The following EBF1 variants were observed in gnomAD, a reference collection of about 807,000 sequenced individuals.
The protein encoded by EBF1 is transcription factor COE1.
EBF1 carries 10 observed loss-of-function variants against 68.4 expected under a neutral mutation model. That is an observed-to-expected ratio of 0.15 (90% CI 0.09 to 0.25). The LOEUF is 0.25. Ranked by LOEUF, EBF1 falls within the 10% of genes least tolerant of loss-of-function variation. The pLI is 1.00. For missense variants in EBF1, 509 were observed against 794.4 expected (o/e 0.64, Z 4.32); for synonymous variants, 298 against 299.8 (o/e 0.99, Z 0.06).
At chr5:158,876,165 T>C (rs905667233) in intron 6 of EBF1, among the ~76,000 whole-genome samples, 4 of 152,108 alleles carry the variant, frequency 2.6e-5, no homozygotes, top group Admixed American at 6.6e-5. Context: ...AATATAATAA[T>C]ATTAGCAGGA....
Position 158,699,090 on chromosome 5 carries a change from C to G in EBF1, c.*21G>C, listed in dbSNP as rs200356091. 3 of 1,599,510 alleles carry G rather than the reference C, an allele frequency of 1.9e-6. No homozygotes were observed. The highest frequency in any genetic ancestry group is 3.4e-5 in the Admixed American group (2 of 58,202). ...GCAGAATCCAACCTCTTCATTAATA[C>G]AATTCTTCAAGGCAATTCTTTCACA... On this transcript the variant is annotated 3_prime_UTR_variant, in exon 16 of 16. Coordinates refer to ENST00000313708, the MANE Select transcript of EBF1 (RefSeq NM_024007.5).
chr5:159,065,692 A>T (rs1245978557), intron 6 of EBF1, among the ~76,000 whole-genome samples: 1 of 152,042 alleles, frequency 6.6e-6, no homozygotes, highest in East Asian at 1.9e-4. Flanking sequence ...CCAAAATTTG[A>T]GAATGTCGCC....
chr5:159,053,833 C>T (rs2127831395), intron 6 of EBF1, among the ~76,000 whole-genome samples: 1 of 152,338 alleles, frequency 6.6e-6, no homozygotes, highest in Non-Finnish European at 1.5e-5. Flanking sequence ...CTTTAAAATA[C>T]TGAAAGCACA....
intron 14 of EBF1, among the ~76,000 whole-genome samples, chr5:158,710,967 G>A (rs1348769169): frequency 6.6e-6 from 1 of 152,136 alleles, no homozygotes; most frequent in African/African-American, 2.4e-5. Flanking sequence ...TGAGAACACG[G>A]GTTATGACAT....
At chr5:158,893,096 T>C (rs767508442) in intron 6 of EBF1, among the ~76,000 whole-genome samples, 8 of 152,190 alleles carry the variant, frequency 5.3e-5, no homozygotes, top group Non-Finnish European at 1.2e-4. Flanking sequence ...ATTTCTGAAA[T>C]AGAGAATGCC....
intron 6 of EBF1, among the ~76,000 whole-genome samples, chr5:158,901,706 C>T (rs1286581780): frequency 1.3e-5 from 2 of 152,044 alleles, no homozygotes; most frequent in Non-Finnish European, 2.9e-5. Context: ...TTCTTTTAAC[C>T]CCCTTTTTAG....
At chr5:158,788,076 A>G (rs1395560980) in intron 9 of EBF1, among the ~76,000 whole-genome samples, 1 of 152,192 alleles carries the variant, frequency 6.6e-6, no homozygotes, top group African/African-American at 2.4e-5. Flanking sequence ...AATTTTCACT[A>G]ATGCCTCAGA....
chr5:158,696,854 C>CTTAA lies in EBF1; in HGVS notation c.*2253_*2256dup. 1 of 196,238 alleles carries CTTAA rather than the reference C, an allele frequency of 5.1e-6. No homozygotes were observed. Among genetic ancestry groups the CTTAA allele is most frequent in the Non-Finnish European group, 1.0e-5 (1 of 95,564 alleles). 12.2% of individuals were successfully genotyped at this position (196,238 alleles called of 1,614,324 possible). On this transcript the variant is annotated 3_prime_UTR_variant, in exon 16 of 16. Coordinates refer to ENST00000313708, the MANE Select transcript of EBF1 (RefSeq NM_024007.5). ...GCTCTACTAGAAAAAGTTACATTGTCTTAAGGTAACAAAACAGTTCTTTTG... is the reference window on the plus strand; with the variant it reads ...GCTCTACTAGAAAAAGTTACATTGTCTTAATTAAGGTAACAAAACAGTTCTTTTG...
intron 7 of EBF1, among the ~76,000 whole-genome samples, chr5:158,839,476 G>C (rs555807670): frequency 1.3e-5 from 2 of 152,150 alleles, no homozygotes; most frequent in African/African-American, 4.8e-5. Context: ...TCCAACTCCC[G>C]GGTTCAAGTG....
intron 5 of EBF1, among the ~76,000 whole-genome samples, chr5:159,076,343 A>T (rs1015312187): frequency 1.3e-5 from 2 of 152,160 alleles, no homozygotes; most frequent in Non-Finnish European, 2.9e-5. Flanking sequence ...GGCATTGTTG[A>T]TGGAAGGAAG....
chr5:158,968,673 G>A (rs1754681304), intron 6 of EBF1, among the ~76,000 whole-genome samples: 1 of 152,010 alleles, frequency 6.6e-6, no homozygotes, highest in Non-Finnish European at 1.5e-5. Flanking sequence ...AAAAGAGAAG[G>A]GGCCTCAAAA....
chr5:158,763,795 A>G (rs1437379483), intron 10 of EBF1, among the ~76,000 whole-genome samples: 1 of 152,206 alleles, frequency 6.6e-6, no homozygotes, highest in Admixed American at 6.5e-5. Context: ...AGTAATTAGT[A>G]AATCCATTTA....
chr5:158,793,111 A>G (rs556667295), intron 9 of EBF1, among the ~76,000 whole-genome samples: 1 of 152,342 alleles, frequency 6.6e-6, no homozygotes, highest in Non-Finnish European at 1.5e-5. Context: ...TTACTTATTT[A>G]ACTTCCCCAA....
At chr5:159,029,573 C>T (rs1732443830) in intron 6 of EBF1, among the ~76,000 whole-genome samples, 1 of 152,144 alleles carries the variant, frequency 6.6e-6, no homozygotes, top group Non-Finnish European at 1.5e-5. Context: ...TGTAGAAATT[C>T]AGATTCTGTT....
chr5:159,073,593 C>T lies in EBF1; in HGVS notation c.486-129G>A, dbSNP rs1368153140. 4.1e-5 allele frequency: 39 copies of T among 942,898 alleles called. 1 individual carries two copies. The highest frequency in any genetic ancestry group is 2.1e-4 in the Middle Eastern group (1 of 4,710). 58.4% of individuals were successfully genotyped at this position (942,898 alleles called of 1,614,324 possible). A position where few individuals can be genotyped will look rare whatever the true frequency, so the allele number is the denominator to read the frequency against. ...CCACAAAGCCATACCTGGCAATCAA[C>T]GGATCCCTGGGACAGATAATTCTAT... On this transcript the variant is annotated intron_variant, in intron 5 of 15. Transcript: ENST00000313708.
intron 10 of EBF1, among the ~76,000 whole-genome samples, chr5:158,771,201 T>C (rs956796715): frequency 3.9e-5 from 6 of 152,128 alleles, no homozygotes; most frequent in Admixed American, 3.9e-4. Context: ...CAAAAATATA[T>C]ATACCCACTA....
chr5:158,747,352 A>G (rs1017177455), intron 10 of EBF1, among the ~76,000 whole-genome samples: 46 of 152,172 alleles, frequency 3.0e-4, no homozygotes, highest in African/African-American at 1.0e-3. Context: ...AGATATTCCT[A>G]TTTCACAGAT....
At chr5:158,719,719 G>A (rs1306731795) in intron 11 of EBF1, among the ~76,000 whole-genome samples, 1 of 152,118 alleles carries the variant, frequency 6.6e-6, no homozygotes, top group Non-Finnish European at 1.5e-5. Flanking sequence ...GCACATATAG[G>A]CTGATGATCA....
At chr5:158,810,367 A>G (rs530917409) in intron 8 of EBF1, among the ~76,000 whole-genome samples, 1 of 152,318 alleles carries the variant, frequency 6.6e-6, no homozygotes, top group South Asian at 2.1e-4. Context: ...AGAATTAAAG[A>G]TCTCAATTTG....
Sources: gnomAD v4.1 joint callset for allele counts (sites outside exome capture counted in the v4.1 genomes callset) on GRCh38, gnomAD v4.1.1 for gene constraint, MANE v1.5 for transcripts, NCBI Gene and HGNC (gene_info 2026-07-23, HGNC 2026-07-21) for gene names.